Variants in LPP observed in about 807,000 individuals in gnomAD.
LPP encodes the protein lipoma-preferred partner.
LPP carries 38 observed loss-of-function variants against 60.4 expected under a neutral mutation model. The observed-to-expected ratio is 0.63, with a 90% CI of 0.49 to 0.83. The LOEUF is 0.83. Ranked by LOEUF, LPP falls within the 40% of genes least tolerant of loss-of-function variation. The pLI is 0.00. For missense variants in LPP, 902 were observed against 783.6 expected, an observed-to-expected ratio of 1.15 and a Z score of -1.80; for synonymous variants, 328 against 290.8, an observed-to-expected ratio of 1.13 and a Z score of -1.30.
At chr3:188,848,783 T>C (rs937465286) in intron 9 of LPP, among the ~76,000 whole-genome samples, 1 of 152,080 alleles carries the variant, frequency 6.6e-6, no homozygotes, top group Non-Finnish European at 1.5e-5. Context: ...CTGGCCAACA[T>C]GGTGAAACCC....
intron 8 of LPP, among the ~76,000 whole-genome samples, chr3:188,751,601 A>T (rs1042713644): frequency 2.0e-5 from 3 of 152,200 alleles, no homozygotes; most frequent in Admixed American, 1.3e-4. Context: ...TTAAAGTAGT[A>T]AGTCAGTTTA....
intron 6 of LPP, among the ~76,000 whole-genome samples, chr3:188,607,382 T>TAG (rs1842640077): frequency 5.8e-5 from 1 of 17,370 alleles, no homozygotes; most frequent in African/African-American, 2.3e-4. Flanking sequence ...TATATATATA[T>TAG]ATATATATAT....
At chr3:188,258,681 C>T (rs1033490073) in intron 2 of LPP, among the ~76,000 whole-genome samples, 4 of 151,732 alleles carry the variant, frequency 2.6e-5, no homozygotes, top group Non-Finnish European at 5.9e-5. Context: ...TCGCTATTAG[C>T]GCAAAAAAAA....
intron 8 of LPP, among the ~76,000 whole-genome samples, chr3:188,731,667 C>A (rs367881143): frequency 6.6e-6 from 1 of 151,900 alleles, no homozygotes; most frequent in Non-Finnish European, 1.5e-5. Flanking sequence ...GGACTACAGG[C>A]GTGCACCACC....
At chr3:188,339,904 A>AATTG (rs1217270542) in intron 2 of LPP, among the ~76,000 whole-genome samples, 4 of 152,222 alleles carry the variant, frequency 2.6e-5, no homozygotes, top group African/African-American at 7.2e-5. Flanking sequence ...ACACTGCATC[A>AATTG]AACACTCCTT....
chr3:188,617,099 T>G (rs1330972531), intron 7 of LPP, among the ~76,000 whole-genome samples: 1 of 152,172 alleles, frequency 6.6e-6, no homozygotes, highest in Non-Finnish European at 1.5e-5. Flanking sequence ...TGCTTGCTGA[T>G]TGAAAAAGAA....
chr3:188,216,332 G>A (rs903244333), intron 1 of LPP, among the ~76,000 whole-genome samples: 21 of 147,740 alleles, frequency 1.4e-4, no homozygotes, highest in African/African-American at 4.5e-4. Flanking sequence ...AGTGCAGGGC[G>A]TGATCTTGGC....
At chr3:188,595,884 G>A (rs1839886794) in intron 6 of LPP, among the ~76,000 whole-genome samples, 1 of 152,054 alleles carries the variant, frequency 6.6e-6, no homozygotes, top group Non-Finnish European at 1.5e-5. Flanking sequence ...TACCTTAACT[G>A]TGTATTCAGT....
intron 4 of LPP, among the ~76,000 whole-genome samples, chr3:188,441,912 C>T (rs568809600): frequency 1.4e-4 from 21 of 152,022 alleles, no homozygotes; most frequent in Non-Finnish European, 1.9e-4. Flanking sequence ...CGTGAGCCAC[C>T]GCGCCCGGCC....
intron 9 of LPP, among the ~76,000 whole-genome samples, chr3:188,846,338 T>G (rs1416282089): frequency 2.0e-5 from 3 of 152,166 alleles, no homozygotes; most frequent in African/African-American, 7.2e-5. Context: ...CAGTCAGCTA[T>G]ATAAGTGATA....
intron 2 of LPP, among the ~76,000 whole-genome samples, chr3:188,237,000 C>A (rs1375016109): frequency 1.3e-5 from 2 of 152,188 alleles, no homozygotes; most frequent in African/African-American, 2.4e-5. Flanking sequence ...AAGAAAACTT[C>A]TTTCAAAATT....
At chr3:188,308,509 C>T (rs546251325) in intron 2 of LPP, among the ~76,000 whole-genome samples, 1 of 152,264 alleles carries the variant, frequency 6.6e-6, no homozygotes, top group Admixed American at 6.5e-5. Flanking sequence ...ATTGATGGAT[C>T]ATAGTGATAG....
chr3:188,242,541 T>C (rs6764972), intron 2 of LPP, among the ~76,000 whole-genome samples: 92,186 of 151,938 alleles, frequency 0.61, 28,344 homozygotes, highest in Middle Eastern at 0.69. Context: ...CACCAGGTAC[T>C]GGAGATACAA....
chr3:188,618,608 G>T (rs1026847439), intron 7 of LPP, among the ~76,000 whole-genome samples: 2 of 152,138 alleles, frequency 1.3e-5, no homozygotes, highest in African/African-American at 4.8e-5. Context: ...TTCCTTTGGC[G>T]CAGAGTTTAG....
chr3:188,348,350 G>A (rs1764946158), intron 3 of LPP, among the ~76,000 whole-genome samples: 1 of 152,002 alleles, frequency 6.6e-6, no homozygotes, highest in African/African-American at 2.4e-5. Flanking sequence ...GTTTCACCAT[G>A]TTGGCCAGGC....
chr3:188,635,522 G>A (rs78541399), intron 7 of LPP, among the ~76,000 whole-genome samples: 33 of 152,288 alleles, frequency 2.2e-4, no homozygotes, highest in Non-Finnish European at 3.1e-4. Context: ...AGAAATGAAC[G>A]TGTGTGTGCA....
chr3:188,494,418 C>T (rs558012033), intron 5 of LPP, among the ~76,000 whole-genome samples: 4 of 152,312 alleles, frequency 2.6e-5, no homozygotes, highest in East Asian at 1.9e-4. Context: ...CTGTCACCAG[C>T]GGTGCTGGGA....
chr3:188,202,530 C>G (rs951538907), intron 1 of LPP, among the ~76,000 whole-genome samples: 1 of 152,194 alleles, frequency 6.6e-6, no homozygotes, highest in African/African-American at 2.4e-5. Context: ...GCATCTTGAG[C>G]TTTTAAAAAA....
At chr3:188,195,057 A>G (rs1257027750) in intron 1 of LPP, among the ~76,000 whole-genome samples, 3 of 152,108 alleles carry the variant, frequency 2.0e-5, no homozygotes, top group Admixed American at 6.5e-5. Flanking sequence ...TCAGGAGTTC[A>G]AGACCAGCCT....
Sources: gnomAD v4.1 joint callset for allele counts (sites outside exome capture counted in the v4.1 genomes callset) on GRCh38, gnomAD v4.1.1 for gene constraint, MANE v1.5 for transcripts, NCBI Gene and HGNC (gene_info 2026-07-23, HGNC 2026-07-21) for gene names.